DNAH5: variants seen among roughly 807,000 people sequenced by gnomAD.
The protein encoded by DNAH5 is axonemal beta dynein heavy chain 5.
Under a neutral mutation model 518.2 loss-of-function variants are expected in DNAH5, and 372 were observed. The observed-to-expected ratio is 0.72, with a 90% CI of 0.66 to 0.78. The LOEUF (loss-of-function observed/expected upper bound fraction) is 0.78, where lower values mean the gene tolerates loss of function less well. Ranked by LOEUF, DNAH5 falls within the 30% of genes least tolerant of loss-of-function variation. The pLI is 0.00. For missense variants in DNAH5, 5,523 were observed against 5,687.0 expected, an observed-to-expected ratio of 0.97 and a Z score of 0.93; for synonymous variants, 2,039 against 2,025.9, an observed-to-expected ratio of 1.01 and a Z score of -0.17.
At chr5:13,887,729 T>C (rs888367862) in intron 17 of DNAH5, among the ~76,000 whole-genome samples, 4 of 152,238 alleles carry the variant, frequency 2.6e-5, no homozygotes, top group Admixed American at 2.0e-4. Flanking sequence ...ACTTCAACCA[T>C]TGTTTTGCTA....
chr5:13,741,151 T>C (rs1748470497), intron 65 of DNAH5, among the ~76,000 whole-genome samples: 1 of 152,058 alleles, frequency 6.6e-6, no homozygotes, highest in Non-Finnish European at 1.5e-5. Flanking sequence ...ACCATGACAT[T>C]AAAAATAAAG....
chr5:13,776,343 TG>T, intron 55 of DNAH5, 95 bp downstream of exon 55: 2 of 1,514,982 alleles, frequency 1.3e-6, no homozygotes, highest in Non-Finnish European at 1.8e-6. Context: ...GGAGCCTGCC[TG>T]GAGATCCAGC....
intron 17 of DNAH5, among the ~76,000 whole-genome samples, chr5:13,887,779 C>G (rs913676566): frequency 6.6e-6 from 1 of 152,098 alleles, no homozygotes; most frequent in Non-Finnish European, 1.5e-5. Context: ...TTCCACTGCC[C>G]CACCCAGGAG....
At chr5:13,958,523 A>G (rs1474011273) in intron 1 of DNAH5, among the ~76,000 whole-genome samples, 1 of 152,186 alleles carries the variant, frequency 6.6e-6, no homozygotes. Context: ...ATAACAGCAC[A>G]CATCCAGAAA....
intron 73 of DNAH5, 49 bp from the exon 74 acceptor site, chr5:13,716,739 A>G (rs1236257977): frequency 7.6e-7 from 1 of 1,319,284 alleles, no homozygotes; most frequent in Admixed American, 1.8e-5. Context: ...CCGTTGCATT[A>G]TTATTTCCCT....
At chr5:13,979,658 C>A (rs772366411) in intron 1 of DNAH5, among the ~76,000 whole-genome samples, 14 of 152,150 alleles carry the variant, frequency 9.2e-5, no homozygotes, top group Non-Finnish European at 1.9e-4. Context: ...TGGCTTTTGT[C>A]CCCTCAGCTA....
At chr5:14,002,823 C>T (rs562590612) in intron 1 of DNAH5, among the ~76,000 whole-genome samples, 2 of 151,788 alleles carry the variant, frequency 1.3e-5, no homozygotes, top group South Asian at 2.1e-4. Flanking sequence ...AATGTACTTA[C>T]TTTTTATTAA....
At chr5:13,819,020 G>T (rs1199756371) in intron 41 of DNAH5, among the ~76,000 whole-genome samples, 1 of 152,116 alleles carries the variant, frequency 6.6e-6, no homozygotes, top group East Asian at 1.9e-4. Flanking sequence ...CAGAATCAGT[G>T]ATGCCATACA....
intron 3 of DNAH5, 93 bp from the exon 4 acceptor site, chr5:13,923,533 T>C (rs1299926476): frequency 1.4e-6 from 2 of 1,409,300 alleles, no homozygotes; most frequent in African/African-American, 1.4e-5. Context: ...AATATTGCCA[T>C]TGTTGACTTG....
chr5:13,935,511 G>A (rs980744130), intron 1 of DNAH5, among the ~76,000 whole-genome samples: 2 of 152,134 alleles, frequency 1.3e-5, no homozygotes, highest in Non-Finnish European at 2.9e-5. Flanking sequence ...ATTTTCTTAT[G>A]TAAACTGATT....
At position 13,690,780 on chromosome 5, in the gene DNAH5, GATA is replaced by G. The variant is rs759093710; in HGVS notation, c.*1201_*1203del. 6.6e-6 allele frequency: 1 copy of G among 152,138 alleles called. No individual in the cohort carries two copies. The highest frequency in any genetic ancestry group is 1.5e-5 in the Non-Finnish European group (1 of 68,032). 9.4% of individuals were successfully genotyped at this position (152,138 alleles called of 1,614,324 possible). The stretch of plus-strand genomic sequence containing the variant: ...AGAAAAATACGTGAAAAGTTCCTTT[GATA>G]ATGTTTCCTAATTAATAAAAGTCCA... On this transcript the variant is annotated 3_prime_UTR_variant, in exon 79 of 79. Coordinates refer to ENST00000265104, the MANE Select transcript of DNAH5 (RefSeq NM_001369.3).
At chr5:14,009,129 TTGTC>T (rs1412163752) in intron 1 of DNAH5, among the ~76,000 whole-genome samples, 1 of 152,262 alleles carries the variant, frequency 6.6e-6, no homozygotes, top group African/African-American at 2.4e-5. Flanking sequence ...AACTCTTTTT[TTGTC>T]TGTTTGTTAA....
At chr5:13,914,879 G>C (rs1213369287) in intron 9 of DNAH5, among the ~76,000 whole-genome samples, 1 of 152,086 alleles carries the variant, frequency 6.6e-6, no homozygotes, top group South Asian at 2.1e-4. Context: ...AGGCCACCTT[G>C]TCTATGCAGG....
upstream of DNAH5, among the ~76,000 whole-genome samples, chr5:13,946,876 C>T (rs369498828): frequency 5.3e-5 from 8 of 152,320 alleles, no homozygotes; most frequent in South Asian, 2.1e-4. Flanking sequence ...CCAGACGCTG[C>T]GCTATACACT....
intron 47 of DNAH5, among the ~76,000 whole-genome samples, chr5:13,794,809 C>CA (rs1443692314): frequency 9.7e-4 from 147 of 151,650 alleles, no homozygotes; most frequent in Non-Finnish European, 1.7e-3. Flanking sequence ...ACTAAAAATA[C>CA]AAAAAAAATT....
intron 43 of DNAH5, among the ~76,000 whole-genome samples, chr5:13,813,939 T>C (rs550058530): frequency 1.3e-5 from 2 of 152,324 alleles, no homozygotes; most frequent in Middle Eastern, 3.4e-3. Flanking sequence ...TAACCAACTA[T>C]GTAAAACAAG....
intron 66 of DNAH5, 90 bp from the exon 67 acceptor site, chr5:13,736,022 C>T: frequency 9.4e-7 from 1 of 1,064,976 alleles, no homozygotes; most frequent in Non-Finnish European, 1.5e-6. Context: ...TAAATGAAAA[C>T]AACAACTTTT....
At chr5:13,883,594 A>C (rs1771967177) in intron 19 of DNAH5, among the ~76,000 whole-genome samples, 1 of 152,230 alleles carries the variant, frequency 6.6e-6, no homozygotes, top group Non-Finnish European at 1.5e-5. Flanking sequence ...ATAAAGTGTA[A>C]TTCGCCATTC....
chr5:13,879,943 C>T (rs1367107058), intron 21 of DNAH5, among the ~76,000 whole-genome samples: 1 of 152,016 alleles, frequency 6.6e-6, no homozygotes, highest in South Asian at 2.1e-4. Context: ...AGAAAGCCAG[C>T]TCCAGGAAGC....
Sources: gnomAD v4.1 joint callset for allele counts (sites outside exome capture counted in the v4.1 genomes callset) on GRCh38, gnomAD v4.1.1 for gene constraint, MANE v1.5 for transcripts, NCBI Gene and HGNC (gene_info 2026-07-23, HGNC 2026-07-21) for gene names.